EDARADD: variants seen among roughly 807,000 people sequenced by gnomAD.
EDARADD encodes the protein ectodysplasin-A receptor-associated adapter protein.
In EDARADD, 20 loss-of-function variants were observed where a neutral mutation model predicts 25.6. That is an observed-to-expected ratio of 0.78 (90% CI 0.55 to 1.14). EDARADD has a LOEUF of 1.14. Ranked by LOEUF, EDARADD falls within the 50% of genes most tolerant of loss-of-function variation. EDARADD has a pLI of 0.00. For synonymous variants in EDARADD, 86 were observed against 94.4 expected (o/e 0.91, Z 0.52); for missense variants, 225 against 270.1 (o/e 0.83, Z 1.17).
intron 3 of EDARADD, among the ~76,000 whole-genome samples, chr1:236,354,610 G>A (rs1018555635): frequency 3.3e-5 from 5 of 152,176 alleles, no homozygotes; most frequent in African/African-American, 7.2e-5. Flanking sequence ...CTCCCTAACA[G>A]TAGGAATTAT....
At chr1:236,476,490 A>G (rs957860256) in intron 5 of EDARADD, among the ~76,000 whole-genome samples, 3 of 151,784 alleles carry the variant, frequency 2.0e-5, no homozygotes, top group Non-Finnish European at 4.4e-5. Context: ...GTTCAAGAGC[A>G]GCCTGGGGAA....
intron 4 of EDARADD, among the ~76,000 whole-genome samples, chr1:236,431,846 G>A (rs1402975011): frequency 1.5e-5 from 1 of 65,482 alleles, no homozygotes; most frequent in East Asian, 2.8e-4. Flanking sequence ...GCGTGAACCC[G>A]GGAAGCGGAG....
At chr1:236,400,353 G>A (rs534991990) in intron 1 of EDARADD, among the ~76,000 whole-genome samples, 1 of 152,172 alleles carries the variant, frequency 6.6e-6, no homozygotes, top group Admixed American at 6.5e-5. Flanking sequence ...AGAGGTTGCT[G>A]TAGGGATGTA....
intron 3 of EDARADD, among the ~76,000 whole-genome samples, chr1:236,420,447 A>G (rs1434706784): frequency 1.3e-5 from 2 of 152,234 alleles, no homozygotes; most frequent in East Asian, 3.8e-4. Flanking sequence ...TTTTTAAGCT[A>G]TTTTGTACCA....
At chr1:236,480,442 G>C (rs1481496378) in intron 5 of EDARADD, among the ~76,000 whole-genome samples, 1 of 151,972 alleles carries the variant, frequency 6.6e-6, no homozygotes, top group Non-Finnish European at 1.5e-5. Flanking sequence ...ACATTAGTAG[G>C]TCAAAGAGTA....
intron 3 of EDARADD, among the ~76,000 whole-genome samples, chr1:236,363,007 A>AAAAAAAAAATATATATATG (rs1558100844): frequency 5.0e-5 from 2 of 40,376 alleles, no homozygotes; most frequent in Admixed American, 6.6e-4. Flanking sequence ...AAAAAAAAAA[A>AAAAAAAAAATATATATATG]TATATATATA....
chr1:236,400,923 C>T (rs989485273), intron 1 of EDARADD, among the ~76,000 whole-genome samples: 4 of 151,828 alleles, frequency 2.6e-5, no homozygotes, highest in South Asian at 2.1e-4. Flanking sequence ...GGGCTGGGAG[C>T]GGTGGCTCAC....
At chr1:236,404,975 T>G (rs952001171) in intron 1 of EDARADD, among the ~76,000 whole-genome samples, 10 of 151,998 alleles carry the variant, frequency 6.6e-5, no homozygotes, top group African/African-American at 2.4e-4. Context: ...GCACCTGTAA[T>G]CCCAGCTACT....
chr1:236,465,974 C>T (rs1474839661), intron 4 of EDARADD, among the ~76,000 whole-genome samples: 2 of 152,162 alleles, frequency 1.3e-5, no homozygotes, highest in East Asian at 1.9e-4. Flanking sequence ...CAGACATTGA[C>T]CTTGGTAAAA....
intron 1 of EDARADD, among the ~76,000 whole-genome samples, chr1:236,401,391 G>A (rs569486975): frequency 6.6e-5 from 10 of 152,308 alleles, no homozygotes; most frequent in African/African-American, 1.9e-4. Flanking sequence ...CTTTAGAGAT[G>A]TTTGAACTTC....
chr1:236,367,813 C>T (rs56939025), intron 3 of EDARADD, among the ~76,000 whole-genome samples: 402 of 152,230 alleles, frequency 2.6e-3, no homozygotes, highest in African/African-American at 9.2e-3. Flanking sequence ...AAAGCATAAT[C>T]GGAGTATACT....
At chr1:236,456,017 C>T (rs1406460609) in intron 4 of EDARADD, among the ~76,000 whole-genome samples, 2 of 152,190 alleles carry the variant, frequency 1.3e-5, no homozygotes, top group African/African-American at 4.8e-5. Flanking sequence ...TCTCGATCTG[C>T]TGACCTTGTA....
At chr1:236,479,432 C>T (rs961781096) in intron 5 of EDARADD, among the ~76,000 whole-genome samples, 16 of 150,780 alleles carry the variant, frequency 1.1e-4, no homozygotes, top group African/African-American at 2.4e-4. Flanking sequence ...GAGGTTAAGG[C>T]GGCAGTGAGC....
At position 236,482,975 on chromosome 1, in the gene EDARADD, A is replaced by G. The variant is rs1021069081; in HGVS notation, c.*326A>G. ...AATTATCCTCTCTCTGAAATACGGT[A>G]AAGATTTAAATAGGTCCTGAGACTG... On this transcript the variant is annotated 3_prime_UTR_variant, in exon 6 of 6. Coordinates refer to ENST00000334232, the MANE Select transcript of EDARADD (RefSeq NM_145861.4). The G allele has an allele frequency of 5.0e-6, 3 of 605,132 alleles. No individual in the cohort carries two copies. Among genetic ancestry groups the G allele is most frequent in the African/African-American group, 3.7e-5 (2 of 53,900 alleles). 37.5% of individuals were successfully genotyped at this position (605,132 alleles called of 1,614,324 possible). A position where few individuals can be genotyped will look rare whatever the true frequency, so the allele number is the denominator to read the frequency against.
chr1:236,484,488 C>G lies in EDARADD; in HGVS notation c.*1839C>G, dbSNP rs1011833366. The G allele has an allele frequency of 6.3e-7, 1 of 1,593,238 alleles. No homozygotes were observed. Among genetic ancestry groups the G allele is most frequent in the East Asian group, 2.2e-5 (1 of 44,772 alleles). On this transcript the variant is annotated 3_prime_UTR_variant, in exon 6 of 6. Coordinates refer to ENST00000334232, the MANE Select transcript of EDARADD (RefSeq NM_145861.4). This position sits in a 1 kb window ranked among gnomAD's most constrained non-coding sequence, Gnocchi z 4.1. Reference sequence around the variant, plus strand: ...CAAGTAAGCTGTGGGCAGGCAAGCCCTTCAGTCACCTGGTGGCTAATTAGA... The same window carrying G: ...CAAGTAAGCTGTGGGCAGGCAAGCCGTTCAGTCACCTGGTGGCTAATTAGA...
chr1:236,355,817 T>C (rs1572106649), intron 3 of EDARADD, among the ~76,000 whole-genome samples: 1 of 151,674 alleles, frequency 6.6e-6, no homozygotes, highest in South Asian at 2.1e-4. Flanking sequence ...GCTCACTCAT[T>C]CTCTTCTGGA....
intron 4 of EDARADD, among the ~76,000 whole-genome samples, chr1:236,462,538 G>A (rs980984653): frequency 2.6e-5 from 4 of 152,062 alleles, no homozygotes; most frequent in East Asian, 3.9e-4. Context: ...CATTCAGCTC[G>A]GAGCTGAGAG....
At chr1:236,458,702 G>A (rs1658954022) in intron 4 of EDARADD, among the ~76,000 whole-genome samples, 1 of 135,958 alleles carries the variant, frequency 7.4e-6, no homozygotes, top group East Asian at 2.1e-4. Context: ...GGAATGCGAT[G>A]GCCCAGTCCC....
intron 3 of EDARADD, 150 bp downstream of exon 3, chr1:236,414,449 A>T: frequency 1.8e-6 from 1 of 560,284 alleles, no homozygotes; most frequent in Non-Finnish European, 3.0e-6. Context: ...TTGTCTCAGA[A>T]ATTAATTTTT....
Sources: allele counts gnomAD v4.1 joint callset (sites outside exome capture counted in the v4.1 genomes callset), GRCh38; gene constraint gnomAD v4.1.1; non-coding constraint Gnocchi (gnomAD v3.1); transcripts MANE v1.5; gene names NCBI Gene and HGNC (gene_info 2026-07-23, HGNC 2026-07-21).